Variants in TLE1 observed in about 807,000 individuals in gnomAD.
TLE1 encodes the protein TLE family member 1, transcriptional corepressor.
In TLE1, 21 loss-of-function variants were observed where a neutral mutation model predicts 89.8. That is an observed-to-expected ratio of 0.23 (90% CI 0.17 to 0.34). TLE1 has a LOEUF of 0.34. Among genes scored for constraint, TLE1 ranks in the 10% least tolerant of loss-of-function variants. The pLI, the probability that TLE1 is intolerant of heterozygous loss-of-function variation, is 1.00. For missense variants in TLE1, 795 were observed against 1,031.2 expected (o/e 0.77, Z 3.14); for synonymous variants, 447 against 407.6 (o/e 1.10, Z -1.16).
chr9:81,661,885 T>C (rs1192628071), intron 4 of TLE1, among the ~76,000 whole-genome samples: 1 of 152,180 alleles, frequency 6.6e-6, no homozygotes, highest in East Asian at 1.9e-4. Flanking sequence ...AATCCAATGA[T>C]GAAGCATCCT....
chr9:81,686,156 T>C (rs1834249772), intron 2 of TLE1, among the ~76,000 whole-genome samples: 1 of 152,202 alleles, frequency 6.6e-6, no homozygotes, highest in Non-Finnish European at 1.5e-5. Flanking sequence ...TGTCAGAACC[T>C]CTAACTGATT....
intron 4 of TLE1, among the ~76,000 whole-genome samples, chr9:81,661,318 A>G (rs970159244): frequency 2.0e-5 from 3 of 151,558 alleles, no homozygotes; most frequent in Non-Finnish European, 4.4e-5. Context: ...TACTTTGTCT[A>G]ACTGCAATAC....
chr9:81,631,106 A>G (rs986103719), intron 8 of TLE1, among the ~76,000 whole-genome samples: 3 of 152,226 alleles, frequency 2.0e-5, no homozygotes, highest in Non-Finnish European at 4.4e-5. Context: ...AAACACATAA[A>G]TCCACATTTG....
chr9:81,593,870 AC>A (rs1159022444), intron 14 of TLE1, among the ~76,000 whole-genome samples: 1 of 152,194 alleles, frequency 6.6e-6, no homozygotes, highest in African/African-American at 2.4e-5. Context: ...TTCCTACTCA[AC>A]AATCTTCCTT....
Position 81,590,814 on chromosome 9 carries a change from G to A in TLE1, c.1820C>T (p.Thr607Ile), listed in dbSNP as rs1161047980. 2.5e-6 allele frequency: 4 copies of A among 1,613,882 alleles called. No individual in the cohort carries two copies. Among genetic ancestry groups the A allele is most frequent in the African/African-American group, 1.3e-5 (1 of 74,948 alleles). Reference sequence around the variant, plus strand: ...GACCATCTTTGCTCACCTCACTAGTGTCTGGTTGTGCAGATCCCACACAGC... The same window carrying A: ...GACCATCTTTGCTCACCTCACTAGTATCTGGTTGTGCAGATCCCACACAGC... ...NIAVWDLHNQ[T>I]LVRQFQGHTD... The change falls in exon 16 of 20, where the codon ACA becomes ATA. Residue 607 changes from threonine (T) to isoleucine (I), a missense_variant. Thr to Ile is a moderately conservative substitution (Grantham distance 89). Around this residue, in one of 4 missense-constraint regions of TLE1, gnomAD observed 214 missense variants for 354.9 expected, o/e 0.60. Coordinates refer to ENST00000376499, the MANE Select transcript of TLE1 (RefSeq NM_005077.5).
At chr9:81,643,577 C>G (rs1315485077) in intron 6 of TLE1, among the ~76,000 whole-genome samples, 2 of 152,010 alleles carry the variant, frequency 1.3e-5, no homozygotes, top group East Asian at 3.9e-4. Context: ...ATTTGGTCAC[C>G]CAGGTGGGAT....
chr9:81,611,210 C>A (rs1365900731), intron 13 of TLE1, among the ~76,000 whole-genome samples: 2 of 152,134 alleles, frequency 1.3e-5, no homozygotes, highest in Non-Finnish European at 2.9e-5. Context: ...AGAGGCAGGG[C>A]AAACAGACGA....
intron 4 of TLE1, among the ~76,000 whole-genome samples, chr9:81,679,205 A>AT (rs1241026862): frequency 6.6e-6 from 1 of 152,210 alleles, no homozygotes; most frequent in Non-Finnish European, 1.5e-5. Context: ...ATCACAGGTT[A>AT]TTTGATAAAA....
At chr9:81,599,464 G>A (rs1030319438) in intron 14 of TLE1, among the ~76,000 whole-genome samples, 4 of 152,144 alleles carry the variant, frequency 2.6e-5, no homozygotes, top group African/African-American at 9.7e-5. Context: ...GGGGCTGGGG[G>A]AACCGGGCTC....
intron 11 of TLE1, 48 bp downstream of exon 11, chr9:81,615,934 A>T (rs757839070): frequency 4.4e-6 from 7 of 1,608,646 alleles, no homozygotes; most frequent in Non-Finnish European, 5.9e-6. Flanking sequence ...CCAGTCCACA[A>T]TGAAAAATAC....
At chr9:81,633,287 CCGTGTGTGTG>C (rs762273790) in intron 8 of TLE1, 51 bp downstream of exon 8, 1 of 1,490,550 alleles carries the variant, frequency 6.7e-7, no homozygotes, top group Non-Finnish European at 9.1e-7. Flanking sequence ...CAGAAGGGGA[CCGTGTGTGTG>C]TGTGTGTGTG....
At chr9:81,652,169 G>C in intron 6 of TLE1, 45 bp downstream of exon 6, 1 of 1,560,218 alleles carries the variant, frequency 6.4e-7, no homozygotes. Context: ...AGAAATGAAA[G>C]CTGGTTATAC....
intron 6 of TLE1, among the ~76,000 whole-genome samples, chr9:81,641,391 T>C (rs1478477838): frequency 6.6e-6 from 1 of 152,068 alleles, no homozygotes; most frequent in Non-Finnish European, 1.5e-5. Flanking sequence ...AGAAACTGCT[T>C]ATGGGGCCAA....
At chr9:81,587,925 T>TC in intron 16 of TLE1, 97 bp from the exon 17 acceptor site, 4 of 1,101,956 alleles carry the variant, frequency 3.6e-6, no homozygotes, top group African/African-American at 1.6e-5. Flanking sequence ...TGTGTGTGTG[T>TC]GTGTGTGTGT....
In TLE1 at chr9:81,685,136, C is replaced by T. The variant is rs1327203477; in HGVS notation, c.234+540G>A. Among the ~76,000 whole-genome samples, 3 of 152,142 alleles carry T rather than the reference C, an allele frequency of 2.0e-5. No homozygotes were observed. In the East Asian group the frequency reaches 5.8e-4, roughly 29 times the overall value. On this transcript the variant is annotated intron_variant, in intron 4 of 19. Coordinates refer to ENST00000376499, the MANE Select transcript of TLE1 (RefSeq NM_005077.5). ...GCTTTTTTCACATCCACACCTGCAA[C>T]AACTGAGAAATTTTTCAAAAATTTG...
intron 11 of TLE1, among the ~76,000 whole-genome samples, chr9:81,613,981 T>C (rs1283685778): frequency 4.8e-5 from 7 of 145,116 alleles, no homozygotes; most frequent in Non-Finnish European, 7.5e-5. Flanking sequence ...AATCTCGGCC[T>C]ACTACAAGCT....
Position 81,583,907 on chromosome 9 carries a change from G to T in TLE1, c.*291C>A, listed in dbSNP as rs1344047932. ...CAAGGCGTGATCCCCAGATCACCCA[G>T]AAAGAAAGAATGGGCTGTCATGTGA... On this transcript the variant is annotated 3_prime_UTR_variant, in exon 20 of 20. Transcript: ENST00000376499. 2 of 369,892 alleles carry T rather than the reference G, an allele frequency of 5.4e-6. No individual in the cohort carries two copies. Among genetic ancestry groups the T allele is most frequent in the Non-Finnish European group, 1.0e-5 (2 of 199,602 alleles). The allele number at this position is 369,892 out of a possible 1,614,324, so 22.9% of individuals were successfully genotyped here.
At chr9:81,667,730 G>A (rs926995635) in intron 4 of TLE1, among the ~76,000 whole-genome samples, 1 of 152,138 alleles carries the variant, frequency 6.6e-6, no homozygotes, top group Non-Finnish European at 1.5e-5. Flanking sequence ...CCCCCAAGCT[G>A]AGTGGCTGGG....
rs1166689334 is a variant in TLE1 at position 81,620,485 on chromosome 9, C to T, written c.667G>A (p.Asp223Asn). ...TCATCCACCTTCCTTTTCTTGATGT[C>T]ATTGGAAAATTCAGGTCCATTTCTG... ...KRRNGPEFSN[D>N]IKKRKVDDKD... Residue 223 changes from aspartate to asparagine, a missense_variant, in exon 9 of 20, where the codon GAC becomes AAC. By Grantham distance (23) the Asp-to-Asn change is conservative (BLOSUM62 1). Coordinates refer to ENST00000376499, the MANE Select transcript of TLE1 (RefSeq NM_005077.5). 1 of 1,614,032 alleles carries T rather than the reference C, an allele frequency of 6.2e-7. No individual in the cohort carries two copies. The highest frequency in any genetic ancestry group is 1.3e-5 in the African/African-American group (1 of 75,014).
Sources: allele counts gnomAD v4.1 joint callset (sites outside exome capture counted in the v4.1 genomes callset), GRCh38; gene constraint gnomAD v4.1.1; regional missense constraint gnomAD v4.1.1; transcripts MANE v1.5; gene names NCBI Gene and HGNC (gene_info 2026-07-23, HGNC 2026-07-21).